Variants in TCAIM observed in about 807,000 individuals in gnomAD.
TCAIM encodes T cell activation inhibitor, mitochondrial.
A neutral mutation model predicts 58.6 loss-of-function variants in TCAIM; 36 were observed. The ratio of observed to expected loss-of-function variants is 0.61; its 90% CI spans 0.47 to 0.81. The LOEUF is 0.81. TCAIM is among the 30% of genes least tolerant of loss of function. The pLI is 0.00. For synonymous variants in TCAIM, 172 were observed against 193.6 expected, an observed-to-expected ratio of 0.89 and a Z score of 0.93; for missense variants, 466 against 579.6, an observed-to-expected ratio of 0.80 and a Z score of 2.01.
At chr3:44,370,583 A>G (rs1194289575) in intron 5 of TCAIM, among the ~76,000 whole-genome samples, 1 of 151,734 alleles carries the variant, frequency 6.6e-6, no homozygotes, top group Non-Finnish European at 1.5e-5. Context: ...AAGTAAACCC[A>G]TTATTAAGCA....
chr3:44,379,179 C>A (rs919860517), intron 5 of TCAIM, among the ~76,000 whole-genome samples: 3 of 150,752 alleles, frequency 2.0e-5, no homozygotes, highest in African/African-American at 7.3e-5. Flanking sequence ...CAGAGCAAGG[C>A]CCTGTCTCAA....
intron 5 of TCAIM, among the ~76,000 whole-genome samples, chr3:44,370,071 A>G (rs945947571): frequency 2.6e-5 from 3 of 115,732 alleles, no homozygotes; most frequent in Non-Finnish European, 5.8e-5. Context: ...TAGATAAGTT[A>G]TGTTGCTGTG....
intron 5 of TCAIM, among the ~76,000 whole-genome samples, chr3:44,382,327 G>A (rs1177360997): frequency 6.6e-6 from 1 of 152,184 alleles, no homozygotes; most frequent in Non-Finnish European, 1.5e-5. Flanking sequence ...GGAGGCTGAA[G>A]CAGAAGGATT....
chr3:44,357,296 A>C (rs1476393748), intron 2 of TCAIM, among the ~76,000 whole-genome samples: 1 of 151,838 alleles, frequency 6.6e-6, no homozygotes, highest in Non-Finnish European at 1.5e-5. Flanking sequence ...TGACCCCCGG[A>C]GATCACACCG....
chr3:44,360,686 G>A (rs370379422), intron 3 of TCAIM, among the ~76,000 whole-genome samples: 8 of 151,572 alleles, frequency 5.3e-5, no homozygotes, highest in African/African-American at 1.9e-4. Context: ...GCTCACTGCA[G>A]CCTCGAACTC....
At chr3:44,362,348 G>A (rs948447068) in intron 4 of TCAIM, 2 of 400,350 alleles carry the variant, frequency 5.0e-6, no homozygotes, top group African/African-American at 4.1e-5. Flanking sequence ...AAATGAAAGA[G>A]TTGGAGAACT....
At chr3:44,370,730 ATTTCTTTCTTTC>A (rs978992005) in intron 5 of TCAIM, among the ~76,000 whole-genome samples, 1 of 140,894 alleles carries the variant, frequency 7.1e-6, no homozygotes, top group Non-Finnish European at 1.5e-5. Context: ...TTCTTTTTTA[ATTTCTTTCTTTC>A]TTTCTTTCTT....
intron 1 of TCAIM, chr3:44,341,108 A>T (rs906652617): frequency 6.6e-6 from 1 of 152,142 alleles, no homozygotes; most frequent in Non-Finnish European, 1.5e-5. Context: ...ATATATTTTT[A>T]TATATATAGG....
intron 5 of TCAIM, among the ~76,000 whole-genome samples, chr3:44,374,529 G>A (rs1401790988): frequency 6.6e-6 from 1 of 152,126 alleles, no homozygotes; most frequent in Non-Finnish European, 1.5e-5. Context: ...GCCAAGGCGG[G>A]AGGATTGCTT....
At chr3:44,360,772 A>C (rs7612349) in intron 3 of TCAIM, among the ~76,000 whole-genome samples, 74,559 of 151,516 alleles carry the variant, frequency 0.49, 19,493 homozygotes, top group East Asian at 0.81. Flanking sequence ...TGCCCAACTA[A>C]TTTTTGTATT....
At chr3:44,372,933 G>A (rs551157299) in intron 5 of TCAIM, among the ~76,000 whole-genome samples, 2 of 152,232 alleles carry the variant, frequency 1.3e-5, no homozygotes, top group African/African-American at 4.8e-5. Context: ...AGCAAGTTAA[G>A]ATGGTTTTAA....
chr3:44,402,947 G>A (rs1197006852), intron 10 of TCAIM, among the ~76,000 whole-genome samples: 1 of 152,092 alleles, frequency 6.6e-6, no homozygotes, highest in Admixed American at 6.6e-5. Flanking sequence ...TTTCCACAAA[G>A]TACTCATTTA....
chr3:44,372,812 T>A (rs1701501918), intron 5 of TCAIM, among the ~76,000 whole-genome samples: 1 of 152,104 alleles, frequency 6.6e-6, no homozygotes, highest in Non-Finnish European at 1.5e-5. Context: ...GCCAGGATGG[T>A]CTTGATCTCC....
Position 44,361,414 on chromosome 3 carries a change from T to A in TCAIM, c.215T>A (p.Leu72His), listed in dbSNP as rs773717585. ...LKRLSVYLEN[L>H]QKPGFKSLKP... The stretch of plus-strand genomic sequence containing the variant: ...AGGTTAAGTGTCTACCTAGAAAACC[T>A]CCAGAAACCAGGCTTCAAGTCTTTG... Residue 72 changes from leucine to histidine, a missense_variant, in exon 4 of 11, where the codon CTC becomes CAC. By Grantham distance (99) the Leu-to-His change is moderately conservative. Transcript: ENST00000342649. 6.2e-7 allele frequency: 1 copy of A among 1,612,968 alleles called. No individual in the cohort carries two copies. Among genetic ancestry groups the A allele is most frequent in the South Asian group, 1.1e-5 (1 of 90,740 alleles).
In TCAIM at chr3:44,382,835, CAT is replaced by C. The variant is rs377526296; in HGVS notation, c.573-10013_573-10012del. 6.4e-4 allele frequency among the ~76,000 whole-genome samples: 98 copies of C among 152,242 alleles called. No homozygotes were observed. In the South Asian group the frequency reaches 0.02, roughly 31 times the overall value. ...AAAATGAGAGAAAATGTTTGCAACT[CAT>C]ATATATGATAAAGGAATTGATATCC... On this transcript the variant is annotated intron_variant, in intron 5 of 10. Transcript: ENST00000342649.
At chr3:44,394,624 G>GCA (rs1168398801) in intron 6 of TCAIM, among the ~76,000 whole-genome samples, 1 of 151,688 alleles carries the variant, frequency 6.6e-6, no homozygotes, top group Non-Finnish European at 1.5e-5. Flanking sequence ...GGCCGGGTAT[G>GCA]GTGGCTCACA....
At chr3:44,383,751 T>A (rs1163299854) in intron 5 of TCAIM, among the ~76,000 whole-genome samples, 1 of 136,614 alleles carries the variant, frequency 7.3e-6, no homozygotes, top group Non-Finnish European at 1.5e-5. Flanking sequence ...GGCAGGAGGA[T>A]CACTTGAGCT....
At position 44,350,815 on chromosome 3, in the gene TCAIM, G is replaced by A. The variant is rs529915419; in HGVS notation, c.-44-3924G>A. 2.6e-5 allele frequency among the ~76,000 whole-genome samples: 4 copies of A among 152,196 alleles called. No individual in the cohort carries two copies. The East Asian group carries it at 7.7e-4, about 29-fold the overall frequency. ...AAAACATTTAATATCCTACCACCTAGAGATAGCTGTTGTTACAGATTGCAT... is the reference window on the plus strand; with the variant it reads ...AAAACATTTAATATCCTACCACCTAAAGATAGCTGTTGTTACAGATTGCAT... On this transcript the variant is annotated intron_variant, in intron 1 of 10. Coordinates refer to ENST00000342649, the MANE Select transcript of TCAIM (RefSeq NM_173826.4).
chr3:44,351,868 C>G (rs1371552817), intron 1 of TCAIM, among the ~76,000 whole-genome samples: 1 of 152,020 alleles, frequency 6.6e-6, no homozygotes, highest in Non-Finnish European at 1.5e-5. Context: ...ATCAGTCAAC[C>G]TGGAAATAAA....
Sources: gnomAD v4.1 joint callset for allele counts (sites outside exome capture counted in the v4.1 genomes callset) on GRCh38, gnomAD v4.1.1 for gene constraint, MANE v1.5 for transcripts, NCBI Gene and HGNC (gene_info 2026-07-23, HGNC 2026-07-21) for gene names.